SAMD5: variants seen among roughly 807,000 people sequenced by gnomAD.
SAMD5 encodes the protein sterile alpha motif domain containing 5.
In SAMD5, 13 loss-of-function variants were observed where a neutral mutation model predicts 11.3. The ratio of observed to expected loss-of-function variants is 1.15; its 90% confidence interval spans 0.75 to 1.83. The LOEUF (loss-of-function observed/expected upper bound fraction) is 1.83, where lower values mean the gene tolerates loss of function less well. Ranked by LOEUF, SAMD5 falls within the 40% of genes most tolerant of loss-of-function variation. The pLI is 0.00. For missense variants in SAMD5, 255 were observed against 239.1 expected (o/e 1.07, Z -0.44); for synonymous variants, 129 against 111.3 (o/e 1.16, Z -1.00).
At chr6:147,518,400 T>C (rs1206233608) in intron 1 of SAMD5, among the ~76,000 whole-genome samples, 2 of 152,198 alleles carry the variant, frequency 1.3e-5, no homozygotes, top group Non-Finnish European at 2.9e-5. Context: ...TCAGTAGTTA[T>C]CTTAGGCATA....
At chr6:147,624,221 T>A (rs1228390544) in intron 1 of SAMD5, among the ~76,000 whole-genome samples, 1 of 152,146 alleles carries the variant, frequency 6.6e-6, no homozygotes, top group African/African-American at 2.4e-5. Context: ...AAACCCCAGT[T>A]AGGCTTGTAA....
the SAMD5 span, among the ~76,000 whole-genome samples, chr6:147,840,405 A>G: frequency 0.27 from 40,437 of 152,196 alleles, 5,983 homozygotes; most frequent in African/African-American, 0.4. Context: ...TTCTGGGCAG[A>G]GGTTCAAAAA....
the SAMD5 span, among the ~76,000 whole-genome samples, chr6:147,937,564 G>A: frequency 6.6e-6 from 1 of 152,290 alleles, no homozygotes; most frequent in Admixed American, 6.5e-5. Flanking sequence ...GGGAGCAGGG[G>A]TTGTTGATCG....
the SAMD5 span, among the ~76,000 whole-genome samples, chr6:147,760,775 T>C: frequency 4.1e-4 from 62 of 152,304 alleles, no homozygotes; most frequent in East Asian, 8.9e-3. Context: ...TAGATTCAAT[T>C]TGCTTAAATT....
chr6:147,625,637 C>G (rs1177568870), intron 1 of SAMD5, among the ~76,000 whole-genome samples: 1 of 152,180 alleles, frequency 6.6e-6, no homozygotes, highest in African/African-American at 2.4e-5. Context: ...CCCCAGTCAG[C>G]AAACTACAGC....
chr6:147,862,039 C>A, the SAMD5 span, among the ~76,000 whole-genome samples: 1 of 152,260 alleles, frequency 6.6e-6, no homozygotes, highest in Non-Finnish European at 1.5e-5. Context: ...TGAGGCTGTC[C>A]TTTGGCCTTC....
At chr6:147,802,689 A>G in the SAMD5 span, among the ~76,000 whole-genome samples, 11 of 151,692 alleles carry the variant, frequency 7.3e-5, no homozygotes, top group East Asian at 1.7e-3. Context: ...ACATTGCAGT[A>G]TAGTCATATA....
chr6:147,887,098 T>A, the SAMD5 span, among the ~76,000 whole-genome samples: 798 of 152,284 alleles, frequency 5.2e-3, 7 homozygotes, highest in African/African-American at 0.018. Flanking sequence ...TCAAAAAAAA[T>A]TGCAGCAATA....
chr6:147,947,893 A>G, the SAMD5 span, among the ~76,000 whole-genome samples: 1 of 152,048 alleles, frequency 6.6e-6, no homozygotes, highest in Non-Finnish European at 1.5e-5. Flanking sequence ...CTCCAGATAG[A>G]GGCATTTTGC....
the SAMD5 span, among the ~76,000 whole-genome samples, chr6:147,807,697 G>A: frequency 6.6e-6 from 1 of 152,156 alleles, no homozygotes; most frequent in Non-Finnish European, 1.5e-5. Context: ...GTAAGATGTT[G>A]AGGACTACAA....
At chr6:147,854,241 G>A in the SAMD5 span, among the ~76,000 whole-genome samples, 2 of 152,258 alleles carry the variant, frequency 1.3e-5, no homozygotes, top group South Asian at 2.1e-4. Context: ...TGGTGGGACT[G>A]GACCAACTGT....
downstream of SAMD5, chr6:147,737,672 C>CTTTTTT (rs10544345): frequency 2.0e-5 from 1 of 49,242 alleles, no homozygotes; most frequent in African/African-American, 7.9e-5. Flanking sequence ...AGATTGAGGG[C>CTTTTTT]TTTTTTTTTT....
At chr6:147,857,689 T>C in the SAMD5 span, among the ~76,000 whole-genome samples, 1 of 152,172 alleles carries the variant, frequency 6.6e-6, no homozygotes, top group African/African-American at 2.4e-5. Context: ...TTTTTCTTCT[T>C]TTTTTTCTTT....
exon 2 of SAMD5, chr6:147,737,335 C>T (rs529509128): frequency 1.6e-6 from 2 of 1,255,798 alleles, no homozygotes; most frequent in South Asian, 1.3e-5. Context: ...ATGCCGCTAC[C>T]TTCAAGAAGT....
rs555036340 is a variant in SAMD5, at chr6:147,593,687, C to A, written c.162+84300C>A. 1.1e-4 allele frequency among the ~76,000 whole-genome samples: 17 copies of A among 152,292 alleles called. No individual in the cohort carries two copies. In the South Asian group the frequency reaches 1.7e-3, roughly 15 times the overall value. ...AAATGATTAAAACTGCAAAAGCATGCATCAAAGTTAGACTCTGCTGTGCTC... is the reference window on the plus strand; with the variant it reads ...AAATGATTAAAACTGCAAAAGCATGAATCAAAGTTAGACTCTGCTGTGCTC... On this transcript the variant is annotated intron_variant, in intron 1 of 1. Transcript: ENST00000566741.
At position 147,608,826 on chromosome 6, in the gene SAMD5, T is replaced by C. The variant is rs552113858; in HGVS notation, c.162+99439T>C. On this transcript the variant is annotated intron_variant, in intron 1 of 1. Coordinates refer to the SAMD5 transcript ENST00000566741. ...ATTGGATTGTTTGCAACTCAACGTA[T>C]AAATTCTTGAGGGGATAGAGACCCC... Among the ~76,000 whole-genome samples the C allele has an allele frequency of 2.0e-5, 3 of 152,336 alleles. No homozygotes were observed. In the South Asian group the frequency reaches 6.2e-4, roughly 32 times the overall value.
chr6:147,792,713 TG>T, the SAMD5 span, among the ~76,000 whole-genome samples: 2 of 152,170 alleles, frequency 1.3e-5, no homozygotes, highest in Non-Finnish European at 2.9e-5. Flanking sequence ...TGTAGCATTT[TG>T]TAGGACTAGA....
intron 1 of SAMD5, among the ~76,000 whole-genome samples, chr6:147,735,482 C>T (rs1009293221): frequency 3.9e-5 from 6 of 152,126 alleles, no homozygotes; most frequent in Non-Finnish European, 8.8e-5. Context: ...TGTGACCTCT[C>T]AGCTTCAAGA....
chr6:147,911,274 A>T, the SAMD5 span, among the ~76,000 whole-genome samples: 1 of 152,228 alleles, frequency 6.6e-6, no homozygotes, highest in Non-Finnish European at 1.5e-5. Context: ...AGAGGTAAAC[A>T]CTGCCTGCTT....
Sources: allele counts gnomAD v4.1 joint callset (sites outside exome capture counted in the v4.1 genomes callset), GRCh38; gene constraint gnomAD v4.1.1; transcripts MANE v1.5; gene names NCBI Gene and HGNC (gene_info 2026-07-23, HGNC 2026-07-21).